Variants in VTI1A observed in about 807,000 individuals in gnomAD.
VTI1A encodes vesicle transport through interaction with t-SNAREs homolog 1A.
A neutral mutation model predicts 34.9 loss-of-function variants in VTI1A; 22 were observed. The ratio of observed to expected loss-of-function variants is 0.63; its 90% CI spans 0.45 to 0.90. The LOEUF is 0.90. Among genes scored for constraint, VTI1A ranks in the 40% least tolerant of loss-of-function variants. VTI1A has a pLI of 0.00. For synonymous variants in VTI1A, 87 were observed against 97.3 expected, an observed-to-expected ratio of 0.89 and a Z score of 0.62; for missense variants, 268 against 275.6, an observed-to-expected ratio of 0.97 and a Z score of 0.20.
intron 3 of VTI1A, among the ~76,000 whole-genome samples, chr10:112,494,186 G>T (rs932022450): frequency 1.3e-5 from 2 of 151,922 alleles, no homozygotes; most frequent in African/African-American, 4.8e-5. Flanking sequence ...TAGATTTCTA[G>T]CAATTTGTGC....
Position 112,767,626 on chromosome 10 carries a change from G to A in VTI1A, c.561-47664G>A, listed in dbSNP as rs75710638. Among the ~76,000 whole-genome samples the A allele has an allele frequency of 1.1e-4, 17 of 151,738 alleles. No homozygotes were observed. Among genetic ancestry groups the A allele is most frequent in the East Asian group, 5.8e-4 (3 of 5,170 alleles). ...AAACTCCCTAATGTTAAATGCATTC[G>A]TTTGAGTTTTCAACTAAAGGGTCTT... On this transcript the variant is annotated intron_variant, in intron 7 of 7. Coordinates refer to ENST00000393077, the MANE Select transcript of VTI1A (RefSeq NM_145206.4). This position sits in a 1 kb window ranked among gnomAD's most constrained non-coding sequence, Gnocchi z 4.0.
intron 4 of VTI1A, among the ~76,000 whole-genome samples, chr10:112,531,096 C>CACAA (rs969654057): frequency 6.7e-6 from 1 of 149,036 alleles, no homozygotes; most frequent in East Asian, 2.1e-4. Flanking sequence ...CACACACACA[C>CACAA]ACACACACGT....
At chr10:112,819,859 A>T (rs139300177), downstream of VTI1A, among the ~76,000 whole-genome samples, 2 of 152,324 alleles carry the variant, frequency 1.3e-5, no homozygotes, top group African/African-American at 4.8e-5. Flanking sequence ...GGCCCGGTTC[A>T]TTGACACTTC....
rs190882482 is a variant in VTI1A at position 112,757,574 on chromosome 10, C to T, written c.561-57716C>T. On this transcript the variant is annotated intron_variant, in intron 7 of 7. Coordinates refer to ENST00000393077, the MANE Select transcript of VTI1A (RefSeq NM_145206.4). ...TAATTGTTTGTATTTTTTGTAGAGA[C>T]GGGGTTTTGCCATGTTGGCCAGACT... Among the ~76,000 whole-genome samples, 6 of 151,850 alleles carry T rather than the reference C, an allele frequency of 4.0e-5. No homozygotes were observed. In the East Asian group the frequency reaches 9.7e-4, roughly 25 times the overall value.
chr10:112,681,670 A>G (rs1283797291), intron 7 of VTI1A, among the ~76,000 whole-genome samples: 1 of 152,222 alleles, frequency 6.6e-6, no homozygotes, highest in Non-Finnish European at 1.5e-5. Context: ...TTTTAGAATA[A>G]TATTGCAAAT....
At chr10:112,635,172 A>G (rs1449175305) in intron 5 of VTI1A, among the ~76,000 whole-genome samples, 1 of 152,200 alleles carries the variant, frequency 6.6e-6, no homozygotes, top group African/African-American at 2.4e-5. Context: ...AAGATAACAC[A>G]TTTCCTGCCT....
chr10:112,668,374 G>T, intron 6 of VTI1A, 86 bp downstream of exon 6: 2 of 1,388,862 alleles, frequency 1.4e-6, no homozygotes, highest in Middle Eastern at 1.8e-4. Context: ...ATAGCAATTA[G>T]GTAGATATAT....
intron 5 of VTI1A, among the ~76,000 whole-genome samples, chr10:112,539,820 A>ATAT (rs776228875): frequency 1.3e-5 from 2 of 152,160 alleles, no homozygotes; most frequent in Non-Finnish European, 1.5e-5. Flanking sequence ...ACAAATATAA[A>ATAT]TATTATTATT....
chr10:112,764,899 G>A (rs1249591713), intron 7 of VTI1A, among the ~76,000 whole-genome samples: 1 of 152,160 alleles, frequency 6.6e-6, no homozygotes, highest in Non-Finnish European at 1.5e-5. Context: ...CCTGTGTGCA[G>A]AGGTACTAAT....
At chr10:112,592,398 A>G (rs560408266) in intron 5 of VTI1A, among the ~76,000 whole-genome samples, 1 of 152,308 alleles carries the variant, frequency 6.6e-6, no homozygotes, top group South Asian at 2.1e-4. Context: ...AACAGTCATC[A>G]TCTGTTCATC....
chr10:112,752,504 T>A (rs1332666211), intron 7 of VTI1A: 1 of 985,352 alleles, frequency 1.0e-6, no homozygotes, highest in African/African-American at 1.7e-5. Context: ...TTGACCTTTG[T>A]GCTATTTGAG....
intron 5 of VTI1A, among the ~76,000 whole-genome samples, chr10:112,629,872 T>C (rs1029127835): frequency 6.6e-6 from 1 of 152,224 alleles, no homozygotes; most frequent in African/African-American, 2.4e-5. Flanking sequence ...ACATGCCATA[T>C]GCCATTCATA....
rs1170061065 is a variant in VTI1A at position 112,692,633 on chromosome 10, G to C, written c.560+23635G>C. 2.6e-5 allele frequency among the ~76,000 whole-genome samples: 4 copies of C among 152,168 alleles called. No homozygotes were observed. In the East Asian group the frequency reaches 7.7e-4, roughly 29 times the overall value. On this transcript the variant is annotated intron_variant, in intron 7 of 7. Coordinates refer to ENST00000393077, the MANE Select transcript of VTI1A (RefSeq NM_145206.4). Reference sequence around the variant, plus strand: ...CCTATATTATTTTTCCTTTAAATTGGCACAATTTCTTCTTCTTTAGCTTTA... The same window carrying C: ...CCTATATTATTTTTCCTTTAAATTGCCACAATTTCTTCTTCTTTAGCTTTA...
At chr10:112,677,248 G>C (rs542284092) in intron 7 of VTI1A, among the ~76,000 whole-genome samples, 6 of 152,092 alleles carry the variant, frequency 3.9e-5, no homozygotes, top group Non-Finnish European at 7.4e-5. Flanking sequence ...CTTTGGAATA[G>C]GAATATTCCA....
intron 5 of VTI1A, among the ~76,000 whole-genome samples, chr10:112,656,726 A>C (rs1221725199): frequency 2.0e-5 from 3 of 151,720 alleles, no homozygotes; most frequent in Non-Finnish European, 4.4e-5. Context: ...TCACTTTCTC[A>C]ATTTTCCCTT....
chr10:112,813,903 G>A (rs545952293), intron 7 of VTI1A, among the ~76,000 whole-genome samples: 59 of 152,260 alleles, frequency 3.9e-4, no homozygotes, highest in African/African-American at 1.4e-3. Context: ...GCAGTTTTGC[G>A]GAAGACGTGT....
chr10:112,690,938 A>G (rs1848590235), intron 7 of VTI1A, among the ~76,000 whole-genome samples: 1 of 152,122 alleles, frequency 6.6e-6, no homozygotes, highest in Non-Finnish European at 1.5e-5. Context: ...TCAGAATGAG[A>G]ACTTCCCAGG....
chr10:112,667,110 G>A (rs1184394086), intron 5 of VTI1A, among the ~76,000 whole-genome samples: 1 of 151,998 alleles, frequency 6.6e-6, no homozygotes, highest in Non-Finnish European at 1.5e-5. Context: ...GCATATATGA[G>A]CCAAATAACT....
chr10:112,447,332 C>T lies in VTI1A; in HGVS notation c.-42C>T. On this transcript the variant is annotated 5_prime_UTR_variant, in exon 1 of 8. Coordinates refer to ENST00000393077, the MANE Select transcript of VTI1A (RefSeq NM_145206.4). ...CTCGCTGCCCCTCGAGGCCCTTTCC[C>T]TGACCTAGGCTTTGGCCTGGGCTAC... 6.3e-7 allele frequency: 1 copy of T among 1,597,528 alleles called. No homozygotes were observed. Among genetic ancestry groups the T allele is most frequent in the Non-Finnish European group, 8.5e-7 (1 of 1,171,682 alleles).
Sources: allele counts gnomAD v4.1 joint callset (sites outside exome capture counted in the v4.1 genomes callset), GRCh38; gene constraint gnomAD v4.1.1; non-coding constraint Gnocchi (gnomAD v3.1); transcripts MANE v1.5; gene names NCBI Gene and HGNC (gene_info 2026-07-23, HGNC 2026-07-21).